HS6ST3: variants seen among roughly 807,000 people sequenced by gnomAD.
HS6ST3 encodes heparan-sulfate 6-O-sulfotransferase 3.
Under a neutral mutation model 36.7 loss-of-function variants are expected in HS6ST3, and 12 were observed. The ratio of observed to expected loss-of-function variants is 0.33; its 90% CI spans 0.21 to 0.53. HS6ST3 has a LOEUF of 0.53. HS6ST3 is among the 20% of genes least tolerant of loss of function. The probability of loss-of-function intolerance (pLI) is 0.95; values close to 1 mark genes in which losing one functional copy is unlikely to be tolerated. For synonymous variants in HS6ST3, 240 were observed against 257.5 expected (o/e 0.93, Z 0.65); for missense variants, 584 against 640.9 (o/e 0.91, Z 0.96).
chr13:96,327,801 C>G (rs1447546019), intron 1 of HS6ST3, among the ~76,000 whole-genome samples: 3 of 151,880 alleles, frequency 2.0e-5, no homozygotes, highest in Non-Finnish European at 4.4e-5. Flanking sequence ...ATTGATTCTT[C>G]CTACCCATGA....
chr13:96,511,463 A>G (rs2056049574), intron 1 of HS6ST3, among the ~76,000 whole-genome samples: 3 of 152,054 alleles, frequency 2.0e-5, no homozygotes, highest in African/African-American at 7.2e-5. Context: ...TAATGGATCA[A>G]TGTTATTTTA....
At chr13:96,152,010 G>T (rs1047971434) in intron 1 of HS6ST3, among the ~76,000 whole-genome samples, 3 of 152,176 alleles carry the variant, frequency 2.0e-5, no homozygotes, top group African/African-American at 7.2e-5. Context: ...AGATACTAGG[G>T]GTTAGGACTT....
intron 1 of HS6ST3, among the ~76,000 whole-genome samples, chr13:96,101,895 A>G (rs1377356869): frequency 6.6e-6 from 1 of 152,110 alleles, no homozygotes; most frequent in African/African-American, 2.4e-5. Context: ...ATTTTATGAC[A>G]TAGCTAGAGT....
chr13:96,710,168 A>G (rs1875525024), intron 1 of HS6ST3, among the ~76,000 whole-genome samples: 1 of 152,278 alleles, frequency 6.6e-6, no homozygotes, highest in Non-Finnish European at 1.5e-5. Context: ...ATATATCATT[A>G]GGCTACTAAA....
intron 1 of HS6ST3, among the ~76,000 whole-genome samples, chr13:96,467,354 C>T (rs1361233803): frequency 2.0e-5 from 3 of 152,128 alleles, no homozygotes; most frequent in African/African-American, 4.8e-5. Flanking sequence ...TCCTGAGTCC[C>T]GTTTCTCTTT....
intron 1 of HS6ST3, among the ~76,000 whole-genome samples, chr13:96,579,098 T>C (rs925240484): frequency 2.6e-5 from 4 of 152,178 alleles, no homozygotes; most frequent in Admixed American, 2.0e-4. Flanking sequence ...CCTTTCAACA[T>C]GAAAGCTTTG....
chr13:96,206,887 A>G (rs1225835428), intron 1 of HS6ST3, among the ~76,000 whole-genome samples: 4 of 152,204 alleles, frequency 2.6e-5, no homozygotes, highest in Non-Finnish European at 5.9e-5. Context: ...ACCATTCAGG[A>G]CATAGGCATG....
intron 1 of HS6ST3, among the ~76,000 whole-genome samples, chr13:96,346,666 T>C (rs1407808256): frequency 6.6e-6 from 1 of 152,110 alleles, no homozygotes; most frequent in Non-Finnish European, 1.5e-5. Context: ...ATTGGAAATG[T>C]GCTAAAACTT....
intron 1 of HS6ST3, among the ~76,000 whole-genome samples, chr13:96,579,052 T>A (rs1021155655): frequency 6.6e-6 from 1 of 152,192 alleles, no homozygotes; most frequent in Non-Finnish European, 1.5e-5. Flanking sequence ...CTTAAATTTT[T>A]TGCTTCATCA....
chr13:96,672,683 G>T (rs575291456), intron 1 of HS6ST3, among the ~76,000 whole-genome samples: 3 of 152,076 alleles, frequency 2.0e-5, no homozygotes, highest in Non-Finnish European at 2.9e-5. Flanking sequence ...GAGGGCATGG[G>T]GGATAACTGT....
At position 96,411,769 on chromosome 13, in the gene HS6ST3, G is replaced by A. The variant is rs79313387; in HGVS notation, c.707+320200G>A. ...AGACGTGAACAAAGGAAGTGTCAAT[G>A]AGGGATGGACAGAAGATGGATCTGA... On this transcript the variant is annotated intron_variant, in intron 1 of 1. Coordinates refer to ENST00000376705, the MANE Select transcript of HS6ST3 (RefSeq NM_153456.4). 4.6e-4 allele frequency among the ~76,000 whole-genome samples: 70 copies of A among 152,310 alleles called. 1 individual carries two copies. The highest frequency in any genetic ancestry group is 9.8e-4 in the Non-Finnish European group (67 of 68,034).
intron 1 of HS6ST3, among the ~76,000 whole-genome samples, chr13:96,325,446 TA>T (rs1370850445): frequency 6.6e-6 from 1 of 151,752 alleles, no homozygotes; most frequent in Non-Finnish European, 1.5e-5. Context: ...AATACGACAA[TA>T]AAAAATAATA....
intron 1 of HS6ST3, among the ~76,000 whole-genome samples, chr13:96,400,850 G>A (rs982945707): frequency 6.6e-6 from 1 of 152,034 alleles, no homozygotes; most frequent in Non-Finnish European, 1.5e-5. Flanking sequence ...AGATTTCCGG[G>A]CGTTTTCTTT....
intron 1 of HS6ST3, among the ~76,000 whole-genome samples, chr13:96,590,461 A>AT (rs200668534): frequency 1.1e-4 from 16 of 150,492 alleles, no homozygotes; most frequent in East Asian, 3.9e-4. Flanking sequence ...ATATTTTCAT[A>AT]TTTTTTTTTC....
chr13:96,601,808 G>C (rs1166829296), intron 1 of HS6ST3, among the ~76,000 whole-genome samples: 1 of 152,128 alleles, frequency 6.6e-6, no homozygotes, highest in Non-Finnish European at 1.5e-5. Context: ...TTGAGGATGT[G>C]ACTTTAGTAT....
intron 1 of HS6ST3, among the ~76,000 whole-genome samples, chr13:96,457,696 A>G (rs1225898382): frequency 6.6e-6 from 1 of 152,116 alleles, no homozygotes; most frequent in Non-Finnish European, 1.5e-5. Context: ...CCCTCTGCTG[A>G]ATTTGATCAA....
rs887301853 is a variant in HS6ST3, at chr13:96,837,140, G to A, written c.*3942G>A. On this transcript the variant is annotated 3_prime_UTR_variant, in exon 2 of 2. Transcript: ENST00000376705. The stretch of plus-strand genomic sequence containing the variant: ...GGTTCTGTTATTAAAGAAACAATGT[G>A]AAATAATGTGGAAATTAATACTGAT... 3.9e-5 allele frequency: 6 copies of A among 152,168 alleles called. No individual in the cohort carries two copies. The highest frequency in any genetic ancestry group is 2.6e-4 in the Admixed American group (4 of 15,274). 9.4% of individuals were successfully genotyped at this position (152,168 alleles called of 1,614,324 possible).
intron 1 of HS6ST3, among the ~76,000 whole-genome samples, chr13:96,492,628 T>A (rs1031441652): frequency 2.0e-5 from 3 of 152,204 alleles, no homozygotes; most frequent in Non-Finnish European, 4.4e-5. Flanking sequence ...TTTTGAAGAA[T>A]GGCCTGTACT....
chr13:96,092,241 A>G (rs2053768567), intron 1 of HS6ST3, among the ~76,000 whole-genome samples: 1 of 152,210 alleles, frequency 6.6e-6, no homozygotes, highest in Non-Finnish European at 1.5e-5. Context: ...CTAGGCCATT[A>G]CATCAACTTA....
Sources: allele counts gnomAD v4.1 joint callset (sites outside exome capture counted in the v4.1 genomes callset), GRCh38; gene constraint gnomAD v4.1.1; transcripts MANE v1.5; gene names NCBI Gene and HGNC (gene_info 2026-07-23, HGNC 2026-07-21).